AUTS2: variants seen among roughly 807,000 people sequenced by gnomAD.
AUTS2 encodes activator of transcription and developmental regulator AUTS2.
Under a neutral mutation model 112.4 loss-of-function variants are expected in AUTS2, and 17 were observed. The observed-to-expected ratio is 0.15, with a 90% CI of 0.10 to 0.23. AUTS2 has a LOEUF of 0.23. Among genes scored for constraint, AUTS2 ranks in the 10% least tolerant of loss-of-function variants. The pLI, the probability that AUTS2 is intolerant of heterozygous loss-of-function variation, is 1.00. For missense variants in AUTS2, 1,510 were observed against 1,701.6 expected, an observed-to-expected ratio of 0.89 and a Z score of 1.98; for synonymous variants, 751 against 702.7, an observed-to-expected ratio of 1.07 and a Z score of -1.09.
chr7:70,585,355 G>A (rs937596617), intron 5 of AUTS2, among the ~76,000 whole-genome samples: 1 of 152,164 alleles, frequency 6.6e-6, no homozygotes, highest in African/African-American at 2.4e-5. Context: ...TACAACACAG[G>A]CCTGAAACAG....
At chr7:70,361,307 T>C (rs771926928) in intron 4 of AUTS2, among the ~76,000 whole-genome samples, 2 of 151,678 alleles carry the variant, frequency 1.3e-5, no homozygotes, top group Non-Finnish European at 2.9e-5. Flanking sequence ...CACTCCAGCC[T>C]GGGTAACAGA....
At chr7:70,243,678 C>T (rs1270734324) in intron 4 of AUTS2, among the ~76,000 whole-genome samples, 1 of 152,106 alleles carries the variant, frequency 6.6e-6, no homozygotes, top group Non-Finnish European at 1.5e-5. Context: ...ATGGCATATT[C>T]CATTCTTAAG....
intron 2 of AUTS2, among the ~76,000 whole-genome samples, chr7:69,948,670 A>T (rs981212905): frequency 1.3e-5 from 2 of 152,148 alleles, no homozygotes; most frequent in Admixed American, 1.3e-4. Flanking sequence ...TAAGATTTTT[A>T]TTTAAAAACA....
chr7:69,968,481 C>A (rs1797718196), intron 2 of AUTS2, among the ~76,000 whole-genome samples: 1 of 152,108 alleles, frequency 6.6e-6, no homozygotes, highest in Admixed American at 6.5e-5. Context: ...TTTTTGGTTC[C>A]ACATCCATAT....
chr7:69,632,317 C>T (rs1055865775), intron 1 of AUTS2, among the ~76,000 whole-genome samples: 5 of 152,228 alleles, frequency 3.3e-5, no homozygotes, highest in South Asian at 4.1e-4. Context: ...TGCCATTACC[C>T]GGCATACTGA....
intron 4 of AUTS2, among the ~76,000 whole-genome samples, chr7:70,223,433 A>C (rs1811587677): frequency 6.6e-6 from 1 of 152,218 alleles, no homozygotes; most frequent in Non-Finnish European, 1.5e-5. Flanking sequence ...ATGACATCAT[A>C]GCCTGGTAAG....
intron 4 of AUTS2, among the ~76,000 whole-genome samples, chr7:70,155,256 G>T (rs1022740705): frequency 1.3e-5 from 2 of 152,146 alleles, no homozygotes; most frequent in African/African-American, 2.4e-5. Context: ...TGGGAATAAG[G>T]CATGTCCTAG....
intron 5 of AUTS2, among the ~76,000 whole-genome samples, chr7:70,543,051 G>GT (rs1563028844): frequency 1.3e-5 from 2 of 152,170 alleles, no homozygotes; most frequent in Non-Finnish European, 2.9e-5. Flanking sequence ...ACATGGACAA[G>GT]TGACACCCAA....
intron 2 of AUTS2, among the ~76,000 whole-genome samples, chr7:69,965,232 C>A (rs1797592373): frequency 6.6e-6 from 1 of 151,762 alleles, no homozygotes; most frequent in South Asian, 2.1e-4. Context: ...AACATTAATA[C>A]AAAACTTGGT....
intron 2 of AUTS2, among the ~76,000 whole-genome samples, chr7:69,946,886 T>C (rs1389504869): frequency 1.3e-5 from 2 of 152,194 alleles, no homozygotes; most frequent in Non-Finnish European, 2.9e-5. Context: ...TGGTGAATTA[T>C]CAGCCGCCCC....
At chr7:69,995,272 C>T (rs546460291) in intron 2 of AUTS2, among the ~76,000 whole-genome samples, 16 of 152,160 alleles carry the variant, frequency 1.1e-4, no homozygotes, top group Non-Finnish European at 2.2e-4. Context: ...CTCCCTACCC[C>T]TAACTTTATA....
At chr7:69,781,206 G>A (rs1789131441) in intron 1 of AUTS2, among the ~76,000 whole-genome samples, 1 of 152,128 alleles carries the variant, frequency 6.6e-6, no homozygotes, top group Non-Finnish European at 1.5e-5. Flanking sequence ...TGTCTCCATG[G>A]CCTAGATGAA....
chr7:69,690,558 G>A (rs1797289786), intron 1 of AUTS2, among the ~76,000 whole-genome samples: 1 of 152,212 alleles, frequency 6.6e-6, no homozygotes, highest in African/African-American at 2.4e-5. Context: ...CATGCTGGCT[G>A]TGGGGTGGGC....
intron 1 of AUTS2, among the ~76,000 whole-genome samples, chr7:69,610,717 G>A (rs899487140): frequency 2.0e-5 from 3 of 152,210 alleles, no homozygotes; most frequent in African/African-American, 7.2e-5. Context: ...TGGTTTTCAA[G>A]TGCTTGCTAA....
intron 2 of AUTS2, among the ~76,000 whole-genome samples, chr7:69,937,756 C>T (rs1034767820): frequency 3.3e-5 from 5 of 152,110 alleles, no homozygotes; most frequent in African/African-American, 1.2e-4. Flanking sequence ...AAGAGAAGAC[C>T]GTGATGCCAG....
chr7:70,768,434 T>C (rs1219275503), intron 10 of AUTS2, among the ~76,000 whole-genome samples: 1 of 152,232 alleles, frequency 6.6e-6, no homozygotes, highest in Non-Finnish European at 1.5e-5. Context: ...AGTTCTGGAA[T>C]GCAACCTGAA....
At chr7:70,137,620 T>C (rs901898071) in intron 4 of AUTS2, among the ~76,000 whole-genome samples, 2 of 152,186 alleles carry the variant, frequency 1.3e-5, no homozygotes, top group African/African-American at 4.8e-5. Flanking sequence ...TAAGACTACC[T>C]GTATGACCTT....
intron 5 of AUTS2, among the ~76,000 whole-genome samples, chr7:70,462,813 C>T (rs933563091): frequency 1.3e-5 from 2 of 152,006 alleles, no homozygotes; most frequent in African/African-American, 4.8e-5. Context: ...AAAAATTAGC[C>T]AGGTGTGGTG....
chr7:70,019,088 A>G (rs1800159403), intron 2 of AUTS2, among the ~76,000 whole-genome samples: 1 of 152,260 alleles, frequency 6.6e-6, no homozygotes, highest in Non-Finnish European at 1.5e-5. Flanking sequence ...GCCACAAAAA[A>G]GAATGAGGTC....
Sources: gnomAD v4.1 joint callset for allele counts (sites outside exome capture counted in the v4.1 genomes callset) on GRCh38, gnomAD v4.1.1 for gene constraint, MANE v1.5 for transcripts, NCBI Gene and HGNC (gene_info 2026-07-23, HGNC 2026-07-21) for gene names.